Variants in PEX5L observed in about 807,000 individuals in gnomAD.
The protein encoded by PEX5L is PEX5-related protein.
A neutral mutation model predicts 84.0 loss-of-function variants in PEX5L; 30 were observed. The ratio of observed to expected loss-of-function variants is 0.36; its 90% confidence interval spans 0.27 to 0.48. The LOEUF is 0.48. Ranked by LOEUF, PEX5L falls within the 20% of genes least tolerant of loss-of-function variation. The pLI is 0.99. For synonymous variants in PEX5L, 270 were observed against 283.1 expected (o/e 0.95, Z 0.46); for missense variants, 533 against 754.6 (o/e 0.71, Z 3.44).
At chr3:179,951,766 T>G (rs1779148170) in intron 2 of PEX5L, among the ~76,000 whole-genome samples, 1 of 152,190 alleles carries the variant, frequency 6.6e-6, no homozygotes, top group Non-Finnish European at 1.5e-5. Flanking sequence ...ATTTTGTAAG[T>G]ACATAGAGTG....
Position 179,798,537 on chromosome 3 carries a change from A to G in PEX5L, c.*3291T>C, listed in dbSNP as rs2108620131. ...AGCAATAATCACTGGCTTTCTCTTT[A>G]TTTTCATCCAATCTACAGGCGAAGT... On this transcript the variant is annotated 3_prime_UTR_variant, in exon 15 of 15. Transcript: ENST00000467460. 1 of 152,248 alleles carries G rather than the reference A, an allele frequency of 6.6e-6. No homozygotes were observed. The allele number at this position is 152,248 out of a possible 1,614,324, so 9.4% of individuals were successfully genotyped here.
At chr3:179,845,636 C>T (rs957470717) in intron 8 of PEX5L, among the ~76,000 whole-genome samples, 4 of 152,218 alleles carry the variant, frequency 2.6e-5, no homozygotes, top group Non-Finnish European at 4.4e-5. Flanking sequence ...TTCAGAGTTT[C>T]CTTCTTCTAT....
At chr3:179,998,807 T>C (rs374406226) in intron 1 of PEX5L, among the ~76,000 whole-genome samples, 1 of 152,186 alleles carries the variant, frequency 6.6e-6, no homozygotes, top group Non-Finnish European at 1.5e-5. Flanking sequence ...CAAATGCCCA[T>C]GGTCTCCACT....
At chr3:179,827,271 G>A (rs1477372659) in intron 8 of PEX5L, among the ~76,000 whole-genome samples, 1 of 152,150 alleles carries the variant, frequency 6.6e-6, no homozygotes, top group Non-Finnish European at 1.5e-5. Flanking sequence ...TACAGTTTCT[G>A]CCTACCTCTT....
intron 7 of PEX5L, among the ~76,000 whole-genome samples, chr3:179,870,661 C>T (rs1416775345): frequency 2.6e-5 from 4 of 152,192 alleles, no homozygotes; most frequent in Non-Finnish European, 5.9e-5. Context: ...TTCCCTACTT[C>T]CCTCTCCTCT....
At chr3:179,958,537 G>T (rs186520771) in intron 2 of PEX5L, among the ~76,000 whole-genome samples, 1 of 152,320 alleles carries the variant, frequency 6.6e-6, no homozygotes, top group African/African-American at 2.4e-5. Flanking sequence ...GTTATCATTA[G>T]TCTTTTAATA....
At chr3:179,845,712 AT>A (rs1484123005) in intron 8 of PEX5L, among the ~76,000 whole-genome samples, 1 of 152,128 alleles carries the variant, frequency 6.6e-6, no homozygotes, top group East Asian at 1.9e-4. Context: ...AGCAATGTAT[AT>A]TTGTTTCCAA....
At chr3:179,869,016 T>G (rs1430662402) in intron 7 of PEX5L, among the ~76,000 whole-genome samples, 2 of 152,142 alleles carry the variant, frequency 1.3e-5, no homozygotes, top group Admixed American at 6.5e-5. Flanking sequence ...AGGGCTTTGG[T>G]CCCCTCAGGA....
intron 8 of PEX5L, among the ~76,000 whole-genome samples, chr3:179,839,152 T>C (rs1736100762): frequency 6.6e-6 from 1 of 152,080 alleles, no homozygotes; most frequent in Non-Finnish European, 1.5e-5. Context: ...GGTAAGGAAA[T>C]GAAGAGATTC....
chr3:179,918,889 A>C (rs1421174133), intron 2 of PEX5L, among the ~76,000 whole-genome samples: 1 of 152,210 alleles, frequency 6.6e-6, no homozygotes, highest in East Asian at 1.9e-4. Context: ...GACAGCAGAG[A>C]ATAAAAGAAA....
chr3:180,000,847 G>C (rs1788333196), intron 1 of PEX5L, among the ~76,000 whole-genome samples: 1 of 152,148 alleles, frequency 6.6e-6, no homozygotes, highest in South Asian at 2.1e-4. Flanking sequence ...GTGTAATTAT[G>C]ACCTTATTAT....
chr3:179,890,416 C>G (rs955595681), intron 3 of PEX5L, among the ~76,000 whole-genome samples: 3 of 152,092 alleles, frequency 2.0e-5, no homozygotes, highest in Non-Finnish European at 4.4e-5. Context: ...TTGTATAAAG[C>G]GCAAAGACTA....
intron 4 of PEX5L, among the ~76,000 whole-genome samples, chr3:179,884,523 G>C (rs1755160247): frequency 6.6e-6 from 1 of 152,150 alleles, no homozygotes; most frequent in Admixed American, 6.5e-5. Flanking sequence ...TTGACATCTT[G>C]ATTTTAGGAT....
chr3:179,972,834 TAA>T (rs1430740807), intron 1 of PEX5L, among the ~76,000 whole-genome samples: 1 of 151,922 alleles, frequency 6.6e-6, no homozygotes, highest in Non-Finnish European at 1.5e-5. Flanking sequence ...TTTACTGTAA[TAA>T]AGAGATTTCT....
intron 2 of PEX5L, among the ~76,000 whole-genome samples, chr3:179,971,035 C>T (rs2110238321): frequency 6.6e-6 from 1 of 152,222 alleles, no homozygotes; most frequent in Non-Finnish European, 1.5e-5. Context: ...GCCCATATAA[C>T]ATCCAAGCTA....
intron 14 of PEX5L, among the ~76,000 whole-genome samples, chr3:179,803,326 C>A (rs1187905211): frequency 6.6e-6 from 1 of 152,128 alleles, no homozygotes; most frequent in East Asian, 1.9e-4. Flanking sequence ...TTAAATGAAT[C>A]TTTAACAATG....
intron 2 of PEX5L, among the ~76,000 whole-genome samples, chr3:179,913,106 A>G (rs1208388580): frequency 6.6e-6 from 1 of 152,182 alleles, no homozygotes; most frequent in Non-Finnish European, 1.5e-5. Flanking sequence ...GAAAATTTTC[A>G]GCTAATTAGA....
rs1299359374 is a variant in PEX5L at position 179,860,498 on chromosome 3, G to C, written c.727-1341C>G. ...ATTAAATAAGAAACTCTGGGGGTGG[G>C]ACCCGGGCCTTTGATGTTTGAAAAG... is the stretch of plus-strand genomic sequence containing the variant. On this transcript the variant is annotated intron_variant, in intron 7 of 14. Coordinates refer to ENST00000467460, the MANE Select transcript of PEX5L (RefSeq NM_016559.3). Among the ~76,000 whole-genome samples, 6 of 152,322 alleles carry C rather than the reference G, an allele frequency of 3.9e-5. No homozygotes were observed. In the East Asian group the frequency reaches 1.2e-3, roughly 29 times the overall value.
At chr3:180,006,971 C>A (rs1308397242) in intron 1 of PEX5L, among the ~76,000 whole-genome samples, 14 of 152,136 alleles carry the variant, frequency 9.2e-5, no homozygotes, top group Admixed American at 9.2e-4. Context: ...ATTTCAAAAT[C>A]AATCAGATCA....
Sources: allele counts gnomAD v4.1 joint callset (sites outside exome capture counted in the v4.1 genomes callset), GRCh38; gene constraint gnomAD v4.1.1; transcripts MANE v1.5; gene names NCBI Gene and HGNC (gene_info 2026-07-23, HGNC 2026-07-21).